LMO2: variants seen among roughly 807,000 people sequenced by gnomAD.
LMO2 encodes LIM domain only 2.
LMO2 carries 20 observed loss-of-function variants against 23.2 expected under a neutral mutation model. That is an observed-to-expected ratio of 0.86 (90% CI 0.61 to 1.25). LMO2 has a LOEUF of 1.25. LMO2 is among the 50% of genes most tolerant of loss of function. LMO2 has a pLI of 0.00. For synonymous variants in LMO2, 123 were observed against 130.2 expected, an observed-to-expected ratio of 0.94 and a Z score of 0.38; for missense variants, 270 against 315.3, an observed-to-expected ratio of 0.86 and a Z score of 1.09.
At chr11:33,875,040 C>A (rs1036513366) in intron 2 of LMO2, among the ~76,000 whole-genome samples, 4 of 152,212 alleles carry the variant, frequency 2.6e-5, no homozygotes, top group Admixed American at 2.6e-4. Context: ...AAGCACCTCC[C>A]TAGTGGGTGT....
At chr11:33,890,287 A>T (rs11032439) in intron 1 of LMO2, among the ~76,000 whole-genome samples, 6 of 151,978 alleles carry the variant, frequency 3.9e-5, no homozygotes, top group East Asian at 1.9e-4. Context: ...CCTGACTTCA[A>T]GACTATGCAA....
In LMO2 at chr11:33,869,700, A is replaced by G. The variant is rs771958514; in HGVS notation, c.7+10T>C. 1.2e-5 allele frequency: 15 copies of G among 1,296,552 alleles called. No homozygotes were observed. The Admixed American group carries it at 4.2e-4, about 36-fold the overall frequency. The allele number at this position is 1,296,552 out of a possible 1,614,324, so 80.3% of individuals were successfully genotyped here. A position where few individuals can be genotyped will look rare whatever the true frequency, so the allele number is the denominator to read the frequency against. ...GCGGCTGCAGCTGCTGCTGCTGCTC[A>G]GGACTTAACCTTCCATCCCGGTCCC... is the stretch of plus-strand genomic sequence containing the variant. On this transcript the variant is annotated intron_variant, in intron 3 of 5. Coordinates refer to ENST00000257818, the MANE Select transcript of LMO2 (RefSeq NM_005574.4).
At chr11:33,882,435 A>T (rs1434783233) in intron 1 of LMO2, among the ~76,000 whole-genome samples, 1 of 152,236 alleles carries the variant, frequency 6.6e-6, no homozygotes, top group East Asian at 1.9e-4. Context: ...AAGCCCTTTC[A>T]AATCTCAAAC....
chr11:33,873,523 C>T (rs1022204071), intron 2 of LMO2, among the ~76,000 whole-genome samples: 1 of 152,128 alleles, frequency 6.6e-6, no homozygotes, highest in African/African-American at 2.4e-5. Flanking sequence ...CTTATTGTAT[C>T]CTCCCTTAAC....
intron 5 of LMO2, among the ~76,000 whole-genome samples, chr11:33,860,218 C>T (rs1299102393): frequency 6.6e-6 from 1 of 152,210 alleles, no homozygotes; most frequent in Non-Finnish European, 1.5e-5. Flanking sequence ...GGAGGACCAA[C>T]AGCATCTCTC....
chr11:33,871,402 A>T (rs374824621), intron 2 of LMO2, among the ~76,000 whole-genome samples: 5 of 152,018 alleles, frequency 3.3e-5, no homozygotes, highest in African/African-American at 1.2e-4. Flanking sequence ...TCTACAAAAA[A>T]TAAAAAATAA....
At chr11:33,883,814 C>T (rs1483569790) in intron 1 of LMO2, among the ~76,000 whole-genome samples, 2 of 152,144 alleles carry the variant, frequency 1.3e-5, no homozygotes, top group Non-Finnish European at 2.9e-5. Context: ...AGAACTTGCT[C>T]CAGCTCACAG....
intron 1 of LMO2, among the ~76,000 whole-genome samples, chr11:33,886,599 T>C (rs552657086): frequency 6.6e-6 from 1 of 152,302 alleles, no homozygotes; most frequent in African/African-American, 2.4e-5. Flanking sequence ...ACAATAACAT[T>C]TTCAGTTTTT....
intron 1 of LMO2, among the ~76,000 whole-genome samples, chr11:33,889,111 T>C (rs1857483080): frequency 6.6e-6 from 1 of 152,266 alleles, no homozygotes; most frequent in East Asian, 1.9e-4. Context: ...GTTTGGGTAA[T>C]AGGGGAAAGA....
At position 33,870,000 on chromosome 11, in the gene LMO2, C is replaced by T; in HGVS notation, c.-271-13G>A. The stretch of plus-strand genomic sequence containing the variant: ...CATTTCCTTTTTCCTGATCACGATT[C>T]AAATACAATAGAAGGAAATCACATT... On this transcript the variant is annotated splice_polypyrimidine_tract_variant and intron_variant, in intron 2 of 5. Coordinates refer to ENST00000257818, the MANE Select transcript of LMO2 (RefSeq NM_005574.4). 1 of 986,612 alleles carries T rather than the reference C, an allele frequency of 1.0e-6. No homozygotes were observed. Among genetic ancestry groups the T allele is most frequent in the Admixed American group, 5.8e-5 (1 of 17,226 alleles). 61.1% of individuals were successfully genotyped at this position (986,612 alleles called of 1,614,324 possible). A position where few individuals can be genotyped will look rare whatever the true frequency, so the allele number is the denominator to read the frequency against.
chr11:33,886,052 AT>A (rs1857398329), intron 1 of LMO2, among the ~76,000 whole-genome samples: 1 of 151,832 alleles, frequency 6.6e-6, no homozygotes, highest in African/African-American at 2.4e-5. Context: ...ATTTTTTTGT[AT>A]TTTTAGTAGA....
chr11:33,871,369 G>C (rs539249101), intron 2 of LMO2, among the ~76,000 whole-genome samples: 1 of 151,894 alleles, frequency 6.6e-6, no homozygotes, highest in Non-Finnish European at 1.5e-5. Flanking sequence ...AGGCTAGCCT[G>C]AGCAACACAG....
chr11:33,858,966 C>G lies in LMO2; in HGVS notation c.*390G>C, dbSNP rs576755128. 27 of 256,984 alleles carry G rather than the reference C, an allele frequency of 1.1e-4. No individual in the cohort carries two copies. The Middle Eastern group carries it at 3.6e-3, about 34-fold the overall frequency. 15.9% of individuals were successfully genotyped at this position (256,984 alleles called of 1,614,324 possible). On this transcript the variant is annotated 3_prime_UTR_variant, in exon 6 of 6. Transcript: ENST00000257818. ...TTAAAAAGCCAGGAAGAAAAGAAAT[C>G]AATTGCACATCTCTAGTTCGCAAGC...
At chr11:33,859,624 T>C (rs1174892512) in intron 5 of LMO2, 49 bp from the exon 6 acceptor site, 1 of 1,564,424 alleles carries the variant, frequency 6.4e-7, no homozygotes, top group Non-Finnish European at 8.8e-7. Flanking sequence ...GGGACAATCC[T>C]GGAAGACAGG....
chr11:33,874,205 T>A (rs369719288), intron 2 of LMO2, among the ~76,000 whole-genome samples: 2 of 152,228 alleles, frequency 1.3e-5, no homozygotes, highest in South Asian at 4.1e-4. Context: ...AGCTGACAGA[T>A]AAGTTTTCAC....
In LMO2 at chr11:33,859,653, G is replaced by C. The variant is rs887031180; in HGVS notation, c.465-78C>G. The C allele has an allele frequency of 2.1e-5, 29 of 1,351,286 alleles. No homozygotes were observed. In the African/African-American group the frequency reaches 4.1e-4, roughly 19 times the overall value. The allele number at this position is 1,351,286 out of a possible 1,614,324, so 83.7% of individuals were successfully genotyped here. ...AGACAGGGCTCGGGGATGAGCCCTA[G>C]AAAGGAGGCCGAACTTTCAGGATGT... On this transcript the variant is annotated intron_variant, in intron 5 of 5. Transcript: ENST00000257818.
At chr11:33,872,253 T>G (rs1393007362) in intron 2 of LMO2, among the ~76,000 whole-genome samples, 1 of 152,194 alleles carries the variant, frequency 6.6e-6, no homozygotes, top group Non-Finnish European at 1.5e-5. Flanking sequence ...ATCGCGCCAT[T>G]GCACTCCAGC....
rs1256429410 is a variant in LMO2, at chr11:33,881,000, A to T, written c.-272+824T>A. Reference sequence around the variant, plus strand: ...GAAAAAAAGAGTGCAGGTTGTTATTATGCAAAGCCACAGCATTAAGGAGCT... The same window carrying T: ...GAAAAAAAGAGTGCAGGTTGTTATTTTGCAAAGCCACAGCATTAAGGAGCT... On this transcript the variant is annotated intron_variant, in intron 2 of 5. Coordinates refer to ENST00000257818, the MANE Select transcript of LMO2 (RefSeq NM_005574.4). This position sits in a 1 kb window ranked among gnomAD's most constrained non-coding sequence, Gnocchi z 4.3. 2.8e-6 allele frequency: 1 copy of T among 354,570 alleles called. No homozygotes were observed. Among genetic ancestry groups the T allele is most frequent in the Non-Finnish European group, 5.6e-6 (1 of 179,778 alleles). 22.0% of individuals were successfully genotyped at this position (354,570 alleles called of 1,614,324 possible).
At chr11:33,870,489 G>A (rs151119437) in intron 2 of LMO2, 11 of 980,192 alleles carry the variant, frequency 1.1e-5, no homozygotes, top group East Asian at 1.1e-4. Flanking sequence ...TGCGGGCTCC[G>A]GGCTGCGGGC....
Sources: gnomAD v4.1 joint callset for allele counts (sites outside exome capture counted in the v4.1 genomes callset) on GRCh38, gnomAD v4.1.1 for gene constraint, Gnocchi (gnomAD v3.1) non-coding constraint, MANE v1.5 for transcripts, NCBI Gene and HGNC (gene_info 2026-07-23, HGNC 2026-07-21) for gene names.